APBB2: variants seen among roughly 807,000 people sequenced by gnomAD.
APBB2 encodes Fe65-like 1.
Under a neutral mutation model 82.5 loss-of-function variants are expected in APBB2, and 38 were observed. The observed-to-expected ratio is 0.46, with a 90% CI of 0.36 to 0.60. The LOEUF (loss-of-function observed/expected upper bound fraction) is 0.60, where lower values mean the gene tolerates loss of function less well. Among genes scored for constraint, APBB2 ranks in the 20% least tolerant of loss-of-function variants. The pLI is 0.00. For missense variants in APBB2, 772 were observed against 972.3 expected (o/e 0.79, Z 2.74); for synonymous variants, 341 against 368.2 (o/e 0.93, Z 0.85).
At chr4:41,185,644 G>A (rs1485960062) in intron 1 of APBB2, among the ~76,000 whole-genome samples, 1 of 152,060 alleles carries the variant, frequency 6.6e-6, no homozygotes, top group Non-Finnish European at 1.5e-5. Flanking sequence ...CTTTCTCAGA[G>A]AATTGGCCTT....
intron 3 of APBB2, among the ~76,000 whole-genome samples, chr4:41,098,907 T>A (rs1232769195): frequency 6.6e-6 from 1 of 152,202 alleles, no homozygotes; most frequent in Non-Finnish European, 1.5e-5. Flanking sequence ...TAATCCTTTT[T>A]CAAATATCCT....
intron 6 of APBB2, among the ~76,000 whole-genome samples, chr4:40,966,331 C>T (rs554743874): frequency 3.3e-5 from 5 of 152,324 alleles, no homozygotes; most frequent in Admixed American, 1.3e-4. Context: ...GTGATGGCAG[C>T]GGTAGCCCAT....
intron 1 of APBB2, among the ~76,000 whole-genome samples, chr4:41,168,185 C>T (rs1179355478): frequency 1.3e-5 from 2 of 151,386 alleles, no homozygotes; most frequent in African/African-American, 4.8e-5. Context: ...AGGAGAATGG[C>T]ATGAACCCGG....
chr4:41,199,426 T>A (rs1776140291), intron 1 of APBB2, among the ~76,000 whole-genome samples: 1 of 152,206 alleles, frequency 6.6e-6, no homozygotes, highest in Non-Finnish European at 1.5e-5. Context: ...CTAGTTAATA[T>A]ACCAAAAAAA....
intron 2 of APBB2, among the ~76,000 whole-genome samples, chr4:41,108,974 C>T (rs891514192): frequency 6.6e-6 from 1 of 152,214 alleles, no homozygotes; most frequent in Non-Finnish European, 1.5e-5. Context: ...AGTCAAAATA[C>T]TCTCTCTTTT....
intron 2 of APBB2, among the ~76,000 whole-genome samples, chr4:41,139,380 C>CA (rs1307356188): frequency 2.0e-5 from 3 of 152,184 alleles, no homozygotes; most frequent in African/African-American, 4.8e-5. Context: ...AGAACATTCA[C>CA]AAAAAACCTA....
At chr4:40,847,742 T>C (rs1758107532) in intron 12 of APBB2, among the ~76,000 whole-genome samples, 1 of 152,112 alleles carries the variant, frequency 6.6e-6, no homozygotes, top group South Asian at 2.1e-4. Context: ...AAAGGAGTAC[T>C]AGGGTAGATA....
chr4:40,855,266 G>A (rs1202141048), intron 12 of APBB2, among the ~76,000 whole-genome samples: 1 of 152,110 alleles, frequency 6.6e-6, no homozygotes, highest in Non-Finnish European at 1.5e-5. Flanking sequence ...TCCAAGAAAG[G>A]AAGAAGACAC....
At chr4:40,900,837 A>T (rs956341323) in intron 10 of APBB2, among the ~76,000 whole-genome samples, 44 of 151,698 alleles carry the variant, frequency 2.9e-4, no homozygotes, top group Non-Finnish European at 2.2e-4. Flanking sequence ...CTTACAGGAC[A>T]GATTAATTCA....
In APBB2 at chr4:41,064,381, G is replaced by A. The variant is rs75193605; in HGVS notation, c.-51+1195C>T. Among the ~76,000 whole-genome samples, 101 of 152,256 alleles carry A rather than the reference G, an allele frequency of 6.6e-4. 1 individual carries two copies. In the East Asian group the frequency reaches 0.018, roughly 27 times the overall value. On this transcript the variant is annotated intron_variant, in intron 4 of 17. Transcript: ENST00000508593. ...AAAAACTGAGCTGCACAAGGTAATAGGACTTAAAGATGAATATGAATAAGC... is the reference window on the plus strand; with the variant it reads ...AAAAACTGAGCTGCACAAGGTAATAAGACTTAAAGATGAATATGAATAAGC...
At chr4:41,079,692 G>A (rs927299467) in intron 3 of APBB2, among the ~76,000 whole-genome samples, 3 of 152,110 alleles carry the variant, frequency 2.0e-5, no homozygotes, top group Non-Finnish European at 2.9e-5. Flanking sequence ...GGGACTACAG[G>A]CGCAGGCCAT....
intron 5 of APBB2, among the ~76,000 whole-genome samples, chr4:41,021,470 G>A (rs536454731): frequency 6.6e-6 from 1 of 151,970 alleles, no homozygotes; most frequent in Non-Finnish European, 1.5e-5. Context: ...TCAGCACTCT[G>A]TGTCTAGCTA....
intron 3 of APBB2, among the ~76,000 whole-genome samples, chr4:41,068,614 G>A (rs776142832): frequency 6.6e-6 from 1 of 152,016 alleles, no homozygotes; most frequent in Non-Finnish European, 1.5e-5. Flanking sequence ...TACCAAGATA[G>A]AAAAGAGCAT....
chr4:40,831,931 T>C (rs1486353854), intron 12 of APBB2, among the ~76,000 whole-genome samples: 2 of 152,084 alleles, frequency 1.3e-5, no homozygotes, highest in Non-Finnish European at 2.9e-5. Context: ...TACGACTGTA[T>C]TTCTCAATGT....
chr4:40,838,863 T>C (rs1260980115), intron 12 of APBB2, among the ~76,000 whole-genome samples: 1 of 152,230 alleles, frequency 6.6e-6, no homozygotes, highest in Admixed American at 6.5e-5. Flanking sequence ...AATTTGCTTA[T>C]GTGTTTACCT....
At chr4:41,024,951 G>A (rs1290646172) in intron 5 of APBB2, among the ~76,000 whole-genome samples, 1 of 152,200 alleles carries the variant, frequency 6.6e-6, no homozygotes, top group African/African-American at 2.4e-5. Context: ...TTCTGCCTCT[G>A]TATCCTTGCT....
intron 3 of APBB2, among the ~76,000 whole-genome samples, chr4:41,074,659 G>A (rs1735023635): frequency 1.3e-5 from 2 of 148,778 alleles, no homozygotes; most frequent in South Asian, 4.2e-4. Context: ...GCCCAGGCTG[G>A]AGTGCAGTGG....
intron 2 of APBB2, among the ~76,000 whole-genome samples, chr4:41,129,309 CTCA>C (rs1405245475): frequency 6.6e-6 from 1 of 152,038 alleles, no homozygotes; most frequent in Non-Finnish European, 1.5e-5. Flanking sequence ...ATTTTCTTGC[CTCA>C]TCTTCAGTCA....
chr4:41,003,074 C>A (rs1002236922), intron 6 of APBB2, among the ~76,000 whole-genome samples: 2 of 152,188 alleles, frequency 1.3e-5, no homozygotes, highest in African/African-American at 4.8e-5. Context: ...CTGAGCCATA[C>A]TACTAAATAT....
Sources: allele counts gnomAD v4.1 joint callset (sites outside exome capture counted in the v4.1 genomes callset), GRCh38; gene constraint gnomAD v4.1.1; transcripts MANE v1.5; gene names NCBI Gene and HGNC (gene_info 2026-07-23, HGNC 2026-07-21).